Variants in BCL11B observed in about 807,000 individuals in gnomAD.
BCL11B encodes the protein B-cell lymphoma/leukemia 11B.
In BCL11B, 8 loss-of-function variants were observed where a neutral mutation model predicts 49.9. The ratio of observed to expected loss-of-function variants is 0.16; its 90% CI spans 0.09 to 0.29. BCL11B has a LOEUF of 0.29. Ranked by LOEUF, BCL11B falls within the 10% of genes least tolerant of loss-of-function variation. BCL11B has a pLI of 1.00. For missense variants in BCL11B, 1,006 were observed against 1,351.0 expected (o/e 0.74, Z 4.00); for synonymous variants, 739 against 637.4 (o/e 1.16, Z -2.40).
intron 2 of BCL11B, among the ~76,000 whole-genome samples, chr14:99,235,267 A>G (rs1888461466): frequency 1.3e-5 from 2 of 152,130 alleles, no homozygotes; most frequent in Admixed American, 1.3e-4. Flanking sequence ...TTTTCTCCCT[A>G]CTGGTGCCTT....
chr14:99,201,780 G>A (rs921988603), intron 3 of BCL11B, among the ~76,000 whole-genome samples: 4 of 152,092 alleles, frequency 2.6e-5, no homozygotes, highest in African/African-American at 9.7e-5. Flanking sequence ...TCACTTCTGG[G>A]CTCACACTCC....
At position 99,174,700 on chromosome 14, in the gene BCL11B, C is replaced by T. The variant is rs765485153; in HGVS notation, c.2136G>A (p.Leu712=). ...AGTGCCGCGACGCCGCGTAGCCCAC[C>T]AGCCACTGCGAGTACACGTTCTCGG... ...IPSENVYSQW[L]VGYAASRHFM... Residue 712 remains leucine (L), a synonymous_variant, in exon 4 of 4, where the codon CTG becomes CTA. Transcript: ENST00000357195. 20 of 1,571,392 alleles carry T rather than the reference C, an allele frequency of 1.3e-5. No homozygotes were observed. The highest frequency in any genetic ancestry group is 1.6e-5 in the Non-Finnish European group (18 of 1,160,752).
chr14:99,266,977 C>A (rs1342721990), intron 1 of BCL11B, among the ~76,000 whole-genome samples: 1 of 152,146 alleles, frequency 6.6e-6, no homozygotes, highest in South Asian at 2.1e-4. Context: ...TATCTGTAAA[C>A]GACTGTTTTC....
Position 99,175,216 on chromosome 14 carries a change from C to G in BCL11B, c.1620G>C (p.Glu540Asp), listed in dbSNP as rs1004029888. The G allele has an allele frequency of 7.0e-5, 109 of 1,549,582 alleles. No homozygotes were observed. Among genetic ancestry groups the G allele is most frequent in the Non-Finnish European group, 9.0e-5 (104 of 1,149,818 alleles). ...PEEEDEEEEE[E>D]EEELLLENES... is the part of the protein sequence containing the mutation. ...CGTTCTCCAGTAGCAGCTCCTCCTC[C>G]TCCTCCTCCTCCTCCTCGTCCTCCT... The change falls in exon 4 of 4, where the codon GAG becomes GAC. Residue 540 changes from glutamate to aspartate, a missense_variant. Coordinates refer to ENST00000357195, the MANE Select transcript of BCL11B (RefSeq NM_138576.4).
rs1402388444 is a variant in BCL11B, at chr14:99,172,049, A to G, written c.*2102T>C. 4.6e-6 allele frequency: 1 copy of G among 215,810 alleles called. No homozygotes were observed. The highest frequency in any genetic ancestry group is 9.4e-6 in the Non-Finnish European group (1 of 106,928). 13.4% of individuals were successfully genotyped at this position (215,810 alleles called of 1,614,324 possible). On this transcript the variant is annotated 3_prime_UTR_variant, in exon 4 of 4. Coordinates refer to ENST00000357195, the MANE Select transcript of BCL11B (RefSeq NM_138576.4). ...CCTATTAAGCAAACTTTGAAAAAAAAAGATCGCTCCAACACACATACACAC... is the reference window on the plus strand; with the variant it reads ...CCTATTAAGCAAACTTTGAAAAAAAGAGATCGCTCCAACACACATACACAC...
rs988217734 is a variant in BCL11B, at chr14:99,200,218, C to T, written c.641-24023G>A. On this transcript the variant is annotated intron_variant, in intron 3 of 3. Coordinates refer to ENST00000357195, the MANE Select transcript of BCL11B (RefSeq NM_138576.4). ...CCAGGATGCTGCAGGGGTCCGCAGCCGAGAGAAGAGCCTGCTGTCCTGGTG... is the reference window on the plus strand; with the variant it reads ...CCAGGATGCTGCAGGGGTCCGCAGCTGAGAGAAGAGCCTGCTGTCCTGGTG... Among the ~76,000 whole-genome samples, 5 of 152,238 alleles carry T rather than the reference C, an allele frequency of 3.3e-5. No homozygotes were observed. The East Asian group carries it at 5.8e-4, about 18-fold the overall frequency.
At position 99,205,764 on chromosome 14, in the gene BCL11B, A is replaced by G. The variant is rs1474535807; in HGVS notation, c.640+25581T>C. Among the ~76,000 whole-genome samples, 2 of 152,186 alleles carry G rather than the reference A, an allele frequency of 1.3e-5. No homozygotes were observed. Among genetic ancestry groups the G allele is most frequent in the Non-Finnish European group, 2.9e-5 (2 of 68,026 alleles). The stretch of plus-strand genomic sequence containing the variant: ...ATTTTACCTCCAAAATTAAAAGAAA[A>G]TAACAGCACACATACCAGTTCCCGG... On this transcript the variant is annotated intron_variant, in intron 3 of 3. Transcript: ENST00000357195. The surrounding 1 kb of genome is among the most constrained non-coding windows in gnomAD (Gnocchi z 5.0).
Position 99,171,819 on chromosome 14 carries a change from C to T in BCL11B, c.*2332G>A, listed in dbSNP as rs1886299567. The stretch of plus-strand genomic sequence containing the variant: ...AACAAGAACAAATTTATAGACCCAC[C>T]ATTTAAATTTTACTGCAACATTTTC... On this transcript the variant is annotated 3_prime_UTR_variant, in exon 4 of 4. Transcript: ENST00000357195. The T allele has an allele frequency of 4.8e-6, 1 of 207,242 alleles. No homozygotes were observed. The highest frequency in any genetic ancestry group is 2.3e-5 in the African/African-American group (1 of 43,764). 12.8% of individuals were successfully genotyped at this position (207,242 alleles called of 1,614,324 possible).
At chr14:99,233,886 G>A (rs1173331169) in intron 2 of BCL11B, among the ~76,000 whole-genome samples, 2 of 152,244 alleles carry the variant, frequency 1.3e-5, no homozygotes, top group South Asian at 2.1e-4. Flanking sequence ...GGCAGGGGAG[G>A]GGGGCAGCCG....
intron 2 of BCL11B, among the ~76,000 whole-genome samples, chr14:99,250,034 T>TG (rs1491193410): frequency 6.4e-5 from 2 of 31,222 alleles, no homozygotes; most frequent in African/African-American, 1.2e-4. Flanking sequence ...CAGGAGAATC[T>TG]TTTTTTTTTT....
intron 3 of BCL11B, among the ~76,000 whole-genome samples, chr14:99,230,134 A>G (rs557197717): frequency 6.6e-6 from 1 of 152,278 alleles, no homozygotes; most frequent in South Asian, 2.1e-4. Flanking sequence ...AGGCCACCCT[A>G]CTAGGGAGCT....
chr14:99,231,458 G>A lies in BCL11B; in HGVS notation c.527C>T (p.Ala176Val), dbSNP rs994062620. ...VITSPLRALG[A>V]LPPCLPLPCC... ...CGGCAGGGGGAGGCAGGGCGGGAGAGCGCCCAGGGCACGCAGAGGTGAAGT... is the reference window on the plus strand; with the variant it reads ...CGGCAGGGGGAGGCAGGGCGGGAGAACGCCCAGGGCACGCAGAGGTGAAGT... Residue 176 changes from alanine (A) to valine (V), a missense_variant, in exon 3 of 4, where the codon GCT becomes GTT. Physicochemically the swap from Ala to Val is moderately conservative, Grantham distance 64. Transcript: ENST00000357195. The surrounding 1 kb of genome is among the most constrained non-coding windows in gnomAD (Gnocchi z 8.1). 5.0e-6 allele frequency: 8 copies of A among 1,598,212 alleles called. No individual in the cohort carries two copies. The Middle Eastern group carries it at 6.9e-4, about 138-fold the overall frequency.
intron 2 of BCL11B, among the ~76,000 whole-genome samples, chr14:99,255,854 G>C (rs937954469): frequency 1.3e-5 from 2 of 152,192 alleles, no homozygotes; most frequent in African/African-American, 4.8e-5. Context: ...CGGTGGCCTG[G>C]ACATGTCTCA....
At position 99,229,368 on chromosome 14, in the gene BCL11B, C is replaced by G. The variant is rs550843211; in HGVS notation, c.640+1977G>C. On this transcript the variant is annotated intron_variant, in intron 3 of 3. Transcript: ENST00000357195. ...TATGAGGACTTGCTGATGGCAGAGC[C>G]CCCCAGAGCCAAGGCAGTGGAAAGC... Among the ~76,000 whole-genome samples the G allele has an allele frequency of 1.4e-4, 20 of 146,524 alleles. No homozygotes were observed. The South Asian group carries it at 3.9e-3, about 29-fold the overall frequency.
rs1566790077 is a variant in BCL11B, at chr14:99,170,914, A to G, written c.*3237T>C. 2 of 232,346 alleles carry G rather than the reference A, an allele frequency of 8.6e-6. No individual in the cohort carries two copies. The highest frequency in any genetic ancestry group is 1.7e-5 in the Non-Finnish European group (2 of 117,554). The allele number at this position is 232,346 out of a possible 1,614,324, so 14.4% of individuals were successfully genotyped here. On this transcript the variant is annotated 3_prime_UTR_variant, in exon 4 of 4. Coordinates refer to ENST00000357195, the MANE Select transcript of BCL11B (RefSeq NM_138576.4). The stretch of plus-strand genomic sequence containing the variant: ...AATTTCTCAAGGACTAAAGCAGCTC[A>G]GTTTGCATTGCTTTCTGCTGGTAAG...
chr14:99,243,918 TAAAAAAAAAAAAAAAAAAAAAA>T (rs200999902), intron 2 of BCL11B, among the ~76,000 whole-genome samples: 39 of 128,128 alleles, frequency 3.0e-4, no homozygotes, highest in East Asian at 8.4e-4. Flanking sequence ...ACATTGCTCC[TAAAAAAAAAAAAAAAAAAAAAA>T]AAAAAAAAAA....
chr14:99,175,630 C>G lies in BCL11B; in HGVS notation c.1206G>C (p.Pro402=). The change falls in exon 4 of 4, where the codon CCG becomes CCC. Residue 402 remains proline, a synonymous_variant. Transcript: ENST00000357195. The stretch of plus-strand genomic sequence containing the variant: ...GCGGCAGCGGCGGCGTGCTCAGGAA[C>G]GGGGACTTGGGGCTGGGCTGGAAGG... ...LNPFQPSPKS[P]FLSTPPLPPM... is the part of the protein sequence containing the mutation. 5 of 1,561,116 alleles carry G rather than the reference C, an allele frequency of 3.2e-6. No homozygotes were observed. In the East Asian group the frequency reaches 9.3e-5, roughly 29 times the overall value.
chr14:99,170,527 T>G lies in BCL11B; in HGVS notation c.*3624A>C. On this transcript the variant is annotated 3_prime_UTR_variant, in exon 4 of 4. Coordinates refer to ENST00000357195, the MANE Select transcript of BCL11B (RefSeq NM_138576.4). ...CAAAAAATAAAAATAAAATAGAGGA[T>G]TAGGGGAGGAACAGACAGGAAGAAA... 2 of 226,180 alleles carry G rather than the reference T, an allele frequency of 8.8e-6. No individual in the cohort carries two copies. The highest frequency in any genetic ancestry group is 1.7e-5 in the Non-Finnish European group (2 of 114,492). 14.0% of individuals were successfully genotyped at this position (226,180 alleles called of 1,614,324 possible). A position where few individuals can be genotyped will look rare whatever the true frequency, so the allele number is the denominator to read the frequency against.
rs1233755172 is a variant in BCL11B at position 99,171,412 on chromosome 14, TTTTTG to T, written c.*2734_*2738del. The T allele has an allele frequency of 9.3e-6, 2 of 215,794 alleles. No homozygotes were observed. Among genetic ancestry groups the T allele is most frequent in the African/African-American group, 2.3e-5 (1 of 44,160 alleles). 13.4% of individuals were successfully genotyped at this position (215,794 alleles called of 1,614,324 possible). On this transcript the variant is annotated 3_prime_UTR_variant, in exon 4 of 4. Transcript: ENST00000357195. Reference sequence around the variant, plus strand: ...AAAATATATTATGGCAGCCTGTTTGTTTTTGTTTTTTTTTTCTTTTTATTTCCAAA... The same window carrying T: ...AAAATATATTATGGCAGCCTGTTTGTTTTTTTTTTTCTTTTTATTTCCAAA...
Sources: gnomAD v4.1 joint callset for allele counts (sites outside exome capture counted in the v4.1 genomes callset) on GRCh38, gnomAD v4.1.1 for gene constraint, Gnocchi (gnomAD v3.1) non-coding constraint, MANE v1.5 for transcripts, NCBI Gene and HGNC (gene_info 2026-07-23, HGNC 2026-07-21) for gene names.